Variants in UBR4 observed in about 807,000 individuals in gnomAD.
UBR4 encodes E3 ubiquitin-protein ligase UBR4.
UBR4 carries 124 observed loss-of-function variants against 575.6 expected under a neutral mutation model. The ratio of observed to expected loss-of-function variants is 0.22; its 90% CI spans 0.19 to 0.25. The LOEUF (loss-of-function observed/expected upper bound fraction) is 0.25, where lower values mean the gene tolerates loss of function less well. UBR4 is among the 10% of genes least tolerant of loss of function. The pLI is 1.00. For missense variants in UBR4, 4,818 were observed against 6,478.8 expected (o/e 0.74, Z 8.80); for synonymous variants, 2,455 against 2,473.7 (o/e 0.99, Z 0.22).
rs945585303 is a variant in UBR4, at chr1:19,140,656, C to G, written c.8593+132G>C. 1.6e-5 allele frequency: 15 copies of G among 950,936 alleles called. No homozygotes were observed. In the Admixed American group the frequency reaches 3.3e-4, roughly 21 times the overall value. 58.9% of individuals were successfully genotyped at this position (950,936 alleles called of 1,614,324 possible). A position where few individuals can be genotyped will look rare whatever the true frequency, so the allele number is the denominator to read the frequency against. On this transcript the variant is annotated intron_variant, in intron 58 of 105. Coordinates refer to ENST00000375254, the MANE Select transcript of UBR4 (RefSeq NM_020765.3). The stretch of plus-strand genomic sequence containing the variant: ...CACTACACCCTCCACACCCATCTTT[C>G]TAAAGCCAAGGCAGAAGCAGGAAGT...
chr1:19,095,998 C>T (rs543897339), intron 92 of UBR4: 3 of 245,230 alleles, frequency 1.2e-5, no homozygotes, highest in East Asian at 2.2e-4. Flanking sequence ...TCCCAAAGCT[C>T]GTGGCCTGTG....
In UBR4 at chr1:19,086,789, C is replaced by G; in HGVS notation, c.14577G>C (p.Thr4859=). Residue 4859 remains threonine, a synonymous_variant, in exon 100 of 106, where the codon ACG becomes ACC. Coordinates refer to ENST00000375254, the MANE Select transcript of UBR4 (RefSeq NM_020765.3). ...PTKVLGIYTF[T]KRVALEEMEN... ...CCATCTCCTCCAAGGCTACCCGCTT[C>G]GTGAAGGTATAAATGCCCAGGACCT... The G allele has an allele frequency of 6.2e-7, 1 of 1,614,188 alleles. No homozygotes were observed. The highest frequency in any genetic ancestry group is 2.2e-5 in the East Asian group (1 of 44,884).
chr1:19,197,586 C>T, intron 7 of UBR4, 84 bp downstream of exon 7: 1 of 1,551,558 alleles, frequency 6.4e-7, no homozygotes, highest in African/African-American at 1.4e-5. Flanking sequence ...GAGACTGCAC[C>T]CCTGCACTCC....
chr1:19,102,018 A>C (rs2078681992), intron 87 of UBR4, among the ~76,000 whole-genome samples: 1 of 152,254 alleles, frequency 6.6e-6, no homozygotes. Flanking sequence ...ATCAAAAGGA[A>C]GTTACAGTTA....
chr1:19,200,568 T>C (rs1571808081), intron 2 of UBR4, among the ~76,000 whole-genome samples: 1 of 152,080 alleles, frequency 6.6e-6, no homozygotes, highest in African/African-American at 2.4e-5. Flanking sequence ...TGGGCCAGCA[T>C]GGTCAAACCC....
In UBR4 at chr1:19,113,523, A is replaced by G. The variant is rs936611054; in HGVS notation, c.11457+176T>C. On this transcript the variant is annotated intron_variant, in intron 77 of 105. Transcript: ENST00000375254. ...ACTCAGCATTCTGACCAGCGCCATAAATCACGGTGGGGGAGATGCCGTTTG... is the reference window on the plus strand; with the variant it reads ...ACTCAGCATTCTGACCAGCGCCATAGATCACGGTGGGGGAGATGCCGTTTG... 4 of 893,634 alleles carry G rather than the reference A, an allele frequency of 4.5e-6. No homozygotes were observed. The Admixed American group carries it at 7.4e-5, about 17-fold the overall frequency. The allele number at this position is 893,634 out of a possible 1,614,324, so 55.4% of individuals were successfully genotyped here.
At chr1:19,097,395 CAA>C in intron 90 of UBR4, 115 bp from the exon 91 acceptor site, 1 of 749,348 alleles carries the variant, frequency 1.3e-6, no homozygotes, top group East Asian at 3.1e-5. Flanking sequence ...TATTTTTCTA[CAA>C]AGTCTCAACC....
chr1:19,173,743 TGA>T, intron 22 of UBR4, 122 bp from the exon 23 acceptor site: 1 of 977,622 alleles, frequency 1.0e-6, no homozygotes, highest in Non-Finnish European at 1.5e-6. Context: ...GATTTTAAAT[TGA>T]GATTTGGCCC....
At chr1:19,162,773 G>A (rs750338389) in intron 34 of UBR4, among the ~76,000 whole-genome samples, 162 bp from the exon 35 acceptor site, 9 of 152,268 alleles carry the variant, frequency 5.9e-5, no homozygotes, top group Middle Eastern at 6.8e-3. Context: ...TTACCACTCC[G>A]TCCCCACGTA....
intron 81 of UBR4, among the ~76,000 whole-genome samples, chr1:19,109,536 T>G (rs912865157): frequency 6.6e-6 from 1 of 152,244 alleles, no homozygotes; most frequent in African/African-American, 2.4e-5. Flanking sequence ...AAGCAGGAGA[T>G]AGCCACAGCT....
intron 17 of UBR4, among the ~76,000 whole-genome samples, chr1:19,182,064 T>A (rs1317387949): frequency 6.6e-6 from 1 of 152,246 alleles, no homozygotes; most frequent in African/African-American, 2.4e-5. Flanking sequence ...GTTGTATTTG[T>A]GCTTCTGTGA....
chr1:19,209,142 TC>T (rs2093171555), intron 1 of UBR4, among the ~76,000 whole-genome samples: 1 of 152,206 alleles, frequency 6.6e-6, no homozygotes, highest in African/African-American at 2.4e-5. Flanking sequence ...ATTTTTAACC[TC>T]TGGATAGCAG....
chr1:19,186,604 G>T lies in UBR4; in HGVS notation c.1686C>A (p.Ala562=). 1 of 1,614,144 alleles carries T rather than the reference G, an allele frequency of 6.2e-7. No individual in the cohort carries two copies. The highest frequency in any genetic ancestry group is 8.5e-7 in the Non-Finnish European group (1 of 1,180,020). Reference sequence around the variant, plus strand: ...CATAGTAAGTATTGGAGTCGGTGGAGGCGCTGGCATCGCTGCTCATGGAGC... The same window carrying T: ...CATAGTAAGTATTGGAGTCGGTGGATGCGCTGGCATCGCTGCTCATGGAGC... ...RKGSMSSDAS[A]STDSNTYYED... The change falls in exon 14 of 106, where the codon GCC becomes GCA. Residue 562 remains alanine (A), a synonymous_variant. Transcript: ENST00000375254.
rs1317159250 is a variant in UBR4 at position 19,151,819 on chromosome 1, G to A, written c.7037C>T (p.Thr2346Ile). The A allele has an allele frequency of 3.7e-6, 6 of 1,613,134 alleles. No homozygotes were observed. Among genetic ancestry groups the A allele is most frequent in the Non-Finnish European group, 5.1e-6 (6 of 1,179,466 alleles). ...GATCCGCATGCCTGTCATCACCATA[G>A]TGCTATTGTTGTTACTAATCTCAAT... ...FTIEISNNNSTMVMTGMRIQI... is the reference protein window; with the variant it reads ...FTIEISNNNSIMVMTGMRIQI... Residue 2346 changes from threonine to isoleucine, a missense_variant, in exon 48 of 106, where the codon ACT becomes ATT. Physicochemically the swap from Thr to Ile is moderately conservative, Grantham distance 89 (BLOSUM62 -1). This residue lies in a region of UBR4 where 461 missense variants were observed against 606.9 expected (regional missense o/e 0.76). Transcript: ENST00000375254.
chr1:19,158,485 A>G (rs2086765658), intron 39 of UBR4, among the ~76,000 whole-genome samples: 2 of 151,854 alleles, frequency 1.3e-5, no homozygotes, highest in South Asian at 4.2e-4. Flanking sequence ...TCTCTCTGTC[A>G]CCCAGGTTGG....
chr1:19,165,266 G>A lies in UBR4; in HGVS notation c.4295C>T (p.Thr1432Ile). The A allele has an allele frequency of 1.2e-6, 2 of 1,614,094 alleles. No individual in the cohort carries two copies. Among genetic ancestry groups the A allele is most frequent in the African/African-American group, 1.3e-5 (1 of 75,058 alleles). The stretch of plus-strand genomic sequence containing the variant: ...TCACTCACTCAGCTGGAAGAGTTTG[G>A]TGAAGAATTTCAAAACTCGGTTACA... ...KFCNRVLKFFTKLFQLTEKSP... is the reference protein window; with the variant it reads ...KFCNRVLKFFIKLFQLTEKSP... The change falls in exon 31 of 106, where the codon ACC becomes ATC. Residue 1432 changes from threonine (T) to isoleucine (I), a missense_variant. By Grantham distance (89) the Thr-to-Ile change is moderately conservative. Around this residue, in one of 29 missense-constraint regions of UBR4, gnomAD observed 1,172 missense variants for 1,259.7 expected, o/e 0.93. Transcript: ENST00000375254.
rs1251919047 is a variant in UBR4, at chr1:19,146,180, GCAGATTCAAAGATCT to G, written c.7805-262_7805-248del. On this transcript the variant is annotated intron_variant, in intron 52 of 105. Coordinates refer to ENST00000375254, the MANE Select transcript of UBR4 (RefSeq NM_020765.3). ...ACGGGGAGCATTTAGGATGTTTACCGCAGATTCAAAGATCTCAGTTCCAACTGTTCAACTTCTAAA... is the reference window on the plus strand; with the variant it reads ...ACGGGGAGCATTTAGGATGTTTACCGCAGTTCCAACTGTTCAACTTCTAAA... 9 of 1,280,214 alleles carry G rather than the reference GCAGATTCAAAGATCT, an allele frequency of 7.0e-6. No individual in the cohort carries two copies. The African/African-American group carries it at 9.0e-5, about 13-fold the overall frequency. 79.3% of individuals were successfully genotyped at this position (1,280,214 alleles called of 1,614,324 possible).
intron 51 of UBR4, 113 bp from the exon 52 acceptor site, chr1:19,147,113 C>T: frequency 8.3e-7 from 1 of 1,211,148 alleles, no homozygotes; most frequent in Non-Finnish European, 1.1e-6. Flanking sequence ...CTCAAGAGAA[C>T]AGGCCAATGA....
Position 19,152,880 on chromosome 1 carries a change from T to C in UBR4, c.6833-404A>G, listed in dbSNP as rs891144114. On this transcript the variant is annotated intron_variant, in intron 46 of 105. Coordinates refer to ENST00000375254, the MANE Select transcript of UBR4 (RefSeq NM_020765.3). The surrounding 1 kb of genome is among the most constrained non-coding windows in gnomAD (Gnocchi z 4.4). ...TCTTTGCTTAGCTGGATTTGCTCACTGCTAAACTCAAGCTTTCACTTTCCT... is the reference window on the plus strand; with the variant it reads ...TCTTTGCTTAGCTGGATTTGCTCACCGCTAAACTCAAGCTTTCACTTTCCT... Among the ~76,000 whole-genome samples, 67 of 152,352 alleles carry C rather than the reference T, an allele frequency of 4.4e-4. No individual in the cohort carries two copies. Among genetic ancestry groups the C allele is most frequent in the African/African-American group, 1.5e-3 (63 of 41,586 alleles).
Sources: gnomAD v4.1 joint callset for allele counts (sites outside exome capture counted in the v4.1 genomes callset) on GRCh38, gnomAD v4.1.1 for gene constraint, gnomAD v4.1.1 regional missense constraint, Gnocchi (gnomAD v3.1) non-coding constraint, MANE v1.5 for transcripts, NCBI Gene and HGNC (gene_info 2026-07-23, HGNC 2026-07-21) for gene names.